Variants in ATP10D observed in about 807,000 individuals in gnomAD.
ATP10D encodes the protein ATPase phospholipid transporting 10D (putative), also known as phospholipid-transporting ATPase VD.
In ATP10D, 89 loss-of-function variants were observed where a neutral mutation model predicts 144.8. That is an observed-to-expected ratio of 0.61 (90% CI 0.52 to 0.73). ATP10D has a LOEUF of 0.73. Ranked by LOEUF, ATP10D falls within the 30% of genes least tolerant of loss-of-function variation. The pLI is 0.00. For missense variants in ATP10D, 1,603 were observed against 1,714.8 expected (o/e 0.93, Z 1.15); for synonymous variants, 571 against 615.1 (o/e 0.93, Z 1.06).
chr4:47,587,214 A>G lies in ATP10D; in HGVS notation c.3941+8A>G. The G allele has an allele frequency of 6.2e-7, 1 of 1,601,808 alleles. No homozygotes were observed. Among genetic ancestry groups the G allele is most frequent in the East Asian group, 2.2e-5 (1 of 44,726 alleles). On this transcript the variant is annotated splice_region_variant and intron_variant, in intron 22 of 22. Transcript: ENST00000273859. The stretch of plus-strand genomic sequence containing the variant: ...CATTGCTCTTCTGCCCAGGTATGGT[A>G]TTTATTTTATCATTGAGAGAATAAA...
At chr4:47,496,214 A>G (rs1253217604) in intron 1 of ATP10D, among the ~76,000 whole-genome samples, 3 of 146,540 alleles carry the variant, frequency 2.0e-5, no homozygotes, top group South Asian at 4.3e-4. Flanking sequence ...CTGGAGTGCA[A>G]TGGCATGATC....
Position 47,515,605 on chromosome 4 carries a change from G to C in ATP10D, c.420G>C (p.Leu140=). 6.2e-7 allele frequency: 1 copy of C among 1,612,560 alleles called. No homozygotes were observed. The highest frequency in any genetic ancestry group is 8.5e-7 in the Non-Finnish European group (1 of 1,178,778). ...VLTIIAIKDG[L]EDYRKYKIDK... ...CAATTATCGCAATTAAAGATGGCCT[G>C]GAAGATTATCGGAAATACAAAATTG... The change falls in exon 3 of 23, where the codon CTG becomes CTC. Residue 140 remains leucine (L), a synonymous_variant. Coordinates refer to ENST00000273859, the MANE Select transcript of ATP10D (RefSeq NM_020453.4).
rs1285076156 is a variant in ATP10D at position 47,557,809 on chromosome 4, T to G, written c.1970T>G (p.Val657Gly). ...EPSSGVPNAF[V>G]SRLPLFSRMK... ...TCTTCTGGAGTTCCAAACGCCTTTG[T>G]GAGCAGACTCCCTCTCTTTAGTCGA... Residue 657 changes from valine (V) to glycine (G), a missense_variant, in exon 12 of 23, where the codon GTG becomes GGG. Val to Gly is a moderately radical substitution (Grantham distance 109). Coordinates refer to ENST00000273859, the MANE Select transcript of ATP10D (RefSeq NM_020453.4). The G allele has an allele frequency of 6.2e-7, 1 of 1,614,224 alleles. No individual in the cohort carries two copies. The highest frequency in any genetic ancestry group is 2.2e-5 in the East Asian group (1 of 44,890).
chr4:47,531,100 T>C (rs1577652910), intron 5 of ATP10D, among the ~76,000 whole-genome samples: 2 of 152,064 alleles, frequency 1.3e-5, no homozygotes, highest in East Asian at 3.9e-4. Flanking sequence ...TTTTTTGCAC[T>C]GATGAGAAAA....
At chr4:47,579,916 G>A (rs892077534) in intron 19 of ATP10D, among the ~76,000 whole-genome samples, 8 of 152,198 alleles carry the variant, frequency 5.3e-5, no homozygotes, top group South Asian at 2.1e-4. Context: ...TTCTAAATGG[G>A]AAATGGGTTT....
intron 15 of ATP10D, among the ~76,000 whole-genome samples, chr4:47,563,983 C>T (rs191152408): frequency 2.6e-5 from 4 of 152,288 alleles, no homozygotes; most frequent in African/African-American, 7.2e-5. Flanking sequence ...CAACCTCCAC[C>T]TCCCAGATTC....
intron 17 of ATP10D, 69 bp downstream of exon 17, chr4:47,572,299 G>A: frequency 7.1e-7 from 1 of 1,406,924 alleles, no homozygotes; most frequent in Non-Finnish European, 1.0e-6. Flanking sequence ...ATTCTCCATG[G>A]TAAATTCTCT....
chr4:47,499,861 T>G (rs1003659937), intron 1 of ATP10D, among the ~76,000 whole-genome samples: 19 of 152,214 alleles, frequency 1.2e-4, no homozygotes, highest in African/African-American at 4.1e-4. Flanking sequence ...TAAGTCCTAT[T>G]TGTTTTATTT....
At chr4:47,572,367 A>T (rs1188617245) in intron 17 of ATP10D, 137 bp downstream of exon 17, 1 of 674,654 alleles carries the variant, frequency 1.5e-6, no homozygotes, top group Non-Finnish European at 2.5e-6. Context: ...AAGTTTACCT[A>T]TCTATTCATT....
intron 9 of ATP10D, among the ~76,000 whole-genome samples, chr4:47,539,528 C>G (rs28414715): frequency 3.4e-4 from 51 of 152,166 alleles, no homozygotes; most frequent in African/African-American, 1.2e-3. Flanking sequence ...TATGCATTTG[C>G]ACGCACACAC....
At chr4:47,550,484 G>A (rs1026923413) in intron 10 of ATP10D, among the ~76,000 whole-genome samples, 2 of 152,078 alleles carry the variant, frequency 1.3e-5, no homozygotes, top group African/African-American at 4.8e-5. Context: ...AATGTCATGG[G>A]GTTGGGGGGG....
At chr4:47,547,851 T>C (rs1426011773) in intron 10 of ATP10D, among the ~76,000 whole-genome samples, 1 of 152,212 alleles carries the variant, frequency 6.6e-6, no homozygotes, top group African/African-American at 2.4e-5. Flanking sequence ...GTGATCATTT[T>C]AGTCCAGCTC....
At chr4:47,555,299 T>A (rs911680830) in intron 11 of ATP10D, among the ~76,000 whole-genome samples, 2 of 152,210 alleles carry the variant, frequency 1.3e-5, no homozygotes, top group Non-Finnish European at 2.9e-5. Context: ...TATGAGAATC[T>A]AATACCCAGA....
intron 18 of ATP10D, 138 bp downstream of exon 18, chr4:47,573,135 GT>G: frequency 9.1e-7 from 1 of 1,100,264 alleles, no homozygotes; most frequent in Admixed American, 2.3e-5. Flanking sequence ...TGGTCTTGCT[GT>G]CTTTCCAGAA....
chr4:47,575,994 C>G (rs561265612), intron 18 of ATP10D, among the ~76,000 whole-genome samples: 48 of 133,198 alleles, frequency 3.6e-4, no homozygotes, highest in African/African-American at 1.1e-3. Flanking sequence ...TGCAGTGGCG[C>G]GATCTCGGCT....
At chr4:47,590,992 G>T (rs779105221) in intron 22 of ATP10D, 50 bp from the exon 23 acceptor site, 43 of 1,094,980 alleles carry the variant, frequency 3.9e-5, no homozygotes, top group East Asian at 1.6e-4. Flanking sequence ...GGGGGGTTCT[G>T]TAATGCATTT....
intron 1 of ATP10D, among the ~76,000 whole-genome samples, chr4:47,510,370 C>A (rs1716260360): frequency 6.6e-6 from 1 of 152,038 alleles, no homozygotes. Context: ...CTAATTCTAT[C>A]TTCACCAAAA....
At chr4:47,515,706 T>G in intron 3 of ATP10D, 36 bp downstream of exon 3, 1 of 1,472,360 alleles carries the variant, frequency 6.8e-7, no homozygotes, top group South Asian at 1.2e-5. Flanking sequence ...GGACTATGTA[T>G]GTATCATTGA....
intron 1 of ATP10D, among the ~76,000 whole-genome samples, chr4:47,507,015 G>T (rs908717342): frequency 1.3e-5 from 2 of 152,156 alleles, no homozygotes; most frequent in African/African-American, 4.8e-5. Flanking sequence ...TTAGTTAGTT[G>T]CCTAGAAGCC....
Sources: allele counts gnomAD v4.1 joint callset (sites outside exome capture counted in the v4.1 genomes callset), GRCh38; gene constraint gnomAD v4.1.1; transcripts MANE v1.5; gene names NCBI Gene and HGNC (gene_info 2026-07-23, HGNC 2026-07-21).